Variants in DNAJC13 observed in about 807,000 individuals in gnomAD.
The protein encoded by DNAJC13 is dnaJ homolog subfamily C member 13.
Under a neutral mutation model 290.5 loss-of-function variants are expected in DNAJC13, and 75 were observed. The observed-to-expected ratio is 0.26, with a 90% CI of 0.21 to 0.31. The LOEUF (loss-of-function observed/expected upper bound fraction) is 0.31. DNAJC13 is among the 10% of genes least tolerant of loss of function. DNAJC13 has a pLI of 1.00. For synonymous variants in DNAJC13, 862 were observed against 892.0 expected (o/e 0.97, Z 0.60); for missense variants, 2,260 against 2,674.5 (o/e 0.85, Z 3.42).
chr3:132,449,939 TAGC>T (rs1193661621), intron 5 of DNAJC13, among the ~76,000 whole-genome samples: 3 of 152,180 alleles, frequency 2.0e-5, no homozygotes, highest in Admixed American at 2.0e-4. Flanking sequence ...TCATTTTGCT[TAGC>T]AGCCTTGATT....
intron 1 of DNAJC13, among the ~76,000 whole-genome samples, chr3:132,432,164 T>C (rs1419275018): frequency 6.6e-6 from 1 of 152,116 alleles, no homozygotes; most frequent in East Asian, 1.9e-4. Flanking sequence ...AGCACTTTGG[T>C]GTATTTTCTA....
At chr3:132,449,091 C>A (rs897463535) in intron 5 of DNAJC13, among the ~76,000 whole-genome samples, 2 of 152,072 alleles carry the variant, frequency 1.3e-5, no homozygotes, top group African/African-American at 4.8e-5. Flanking sequence ...GGATAGTTTA[C>A]CTGATTTTAC....
chr3:132,528,363 T>G, intron 54 of DNAJC13, 31 bp downstream of exon 54: 1 of 1,611,558 alleles, frequency 6.2e-7, no homozygotes, highest in Non-Finnish European at 8.5e-7. Flanking sequence ...CTTTTGATAT[T>G]CTAAAAGCCA....
chr3:132,446,642 C>T (rs975730218), intron 3 of DNAJC13, 92 bp downstream of exon 3: 2 of 762,438 alleles, frequency 2.6e-6, no homozygotes, highest in South Asian at 1.9e-5. Flanking sequence ...TAAATCAGTA[C>T]TTGAAGATAG....
Position 132,483,419 on chromosome 3 carries a change from A to T in DNAJC13, c.3024A>T (p.Arg1008Ser), listed in dbSNP as rs1397882116. Residue 1008 changes from arginine to serine, a missense_variant, in exon 28 of 56, where the codon AGA (arginine) becomes AGT (serine). Physicochemically the swap from Arg to Ser is moderately radical, Grantham distance 110. Coordinates refer to ENST00000260818, the MANE Select transcript of DNAJC13 (RefSeq NM_015268.4). ...WTKGMLNAKTRCWAQGMDGWR... is the reference protein window; with the variant it reads ...WTKGMLNAKTSCWAQGMDGWR... ...AAGGAATGTTAAATGCAAAAACCAG[A>T]TGCTGGGCTCAAGGCATGGATGGAT... 6.2e-7 allele frequency: 1 copy of T among 1,614,134 alleles called. No homozygotes were observed. The highest frequency in any genetic ancestry group is 1.7e-5 in the Admixed American group (1 of 60,012).
chr3:132,435,235 A>C (rs1481926169), intron 2 of DNAJC13, among the ~76,000 whole-genome samples: 1 of 152,208 alleles, frequency 6.6e-6, no homozygotes. Context: ...AAGTTTTAAA[A>C]TTATGCCTCA....
At position 132,516,170 on chromosome 3, in the gene DNAJC13, C is replaced by T. The variant is rs1935914553; in HGVS notation, c.5486-252C>T. On this transcript the variant is annotated intron_variant, in intron 46 of 55. Coordinates refer to ENST00000260818, the MANE Select transcript of DNAJC13 (RefSeq NM_015268.4). ...GTTTTATAGTGGTTATGAATATGGACTTTGGAGGCAGACCTGCATACAAAA... is the reference window on the plus strand; with the variant it reads ...GTTTTATAGTGGTTATGAATATGGATTTTGGAGGCAGACCTGCATACAAAA... 2.0e-5 allele frequency among the ~76,000 whole-genome samples: 3 copies of T among 152,152 alleles called. 1 individual carries two copies. In the South Asian group the frequency reaches 6.2e-4, roughly 31 times the overall value.
intron 25 of DNAJC13, 110 bp downstream of exon 25, chr3:132,479,399 T>A (rs1934591800): frequency 1.4e-6 from 1 of 736,494 alleles, no homozygotes; most frequent in Admixed American, 2.4e-5. Context: ...TGTCTTCTCC[T>A]TTTTAGACAG....
intron 18 of DNAJC13, 93 bp from the exon 19 acceptor site, chr3:132,466,206 C>G: frequency 6.9e-7 from 1 of 1,444,244 alleles, no homozygotes; most frequent in Non-Finnish European, 9.5e-7. Context: ...AAGTTTTACC[C>G]TCAATAGCTA....
At chr3:132,488,914 A>G in intron 30 of DNAJC13, 62 bp from the exon 31 acceptor site, 1 of 1,294,488 alleles carries the variant, frequency 7.7e-7, no homozygotes, top group Admixed American at 1.8e-5. Flanking sequence ...TCTTTAGAAA[A>G]CTAAGGTTAC....
At chr3:132,467,622 C>T (rs968948413) in intron 20 of DNAJC13, among the ~76,000 whole-genome samples, 1 of 151,768 alleles carries the variant, frequency 6.6e-6, no homozygotes, top group Non-Finnish European at 1.5e-5. Context: ...CCCGCCACCA[C>T]GCCCGGCTAA....
chr3:132,502,246 T>C, intron 39 of DNAJC13, 43 bp from the exon 40 acceptor site: 2 of 1,446,724 alleles, frequency 1.4e-6, no homozygotes, highest in Non-Finnish European at 1.8e-6. Context: ...TTTTTTTTTT[T>C]TTAACTCTGT....
At chr3:132,512,277 T>C (rs556892323) in intron 44 of DNAJC13, among the ~76,000 whole-genome samples, 1 of 152,184 alleles carries the variant, frequency 6.6e-6, no homozygotes, top group Non-Finnish European at 1.5e-5. Flanking sequence ...TTGTGTGTCA[T>C]TGATGTATTT....
chr3:132,433,479 G>A (rs1426298157), intron 1 of DNAJC13, among the ~76,000 whole-genome samples: 1 of 151,908 alleles, frequency 6.6e-6, no homozygotes, highest in Non-Finnish European at 1.5e-5. Context: ...GTCTCACTAT[G>A]TTGTCTAGGC....
chr3:132,525,003 G>A (rs1936207594), intron 51 of DNAJC13, among the ~76,000 whole-genome samples: 1 of 152,122 alleles, frequency 6.6e-6, no homozygotes, highest in South Asian at 2.1e-4. Context: ...CTGCAACATG[G>A]TCTAAAAATT....
chr3:132,522,521 G>A (rs142704717), intron 48 of DNAJC13, among the ~76,000 whole-genome samples: 1 of 152,276 alleles, frequency 6.6e-6, no homozygotes, highest in Non-Finnish European at 1.5e-5. Flanking sequence ...GTGTGCTCTG[G>A]GAACTTTACC....
intron 12 of DNAJC13, among the ~76,000 whole-genome samples, 175 bp downstream of exon 12, chr3:132,457,007 T>C (rs1559876850): frequency 1.3e-5 from 2 of 152,170 alleles, no homozygotes; most frequent in Admixed American, 6.5e-5. Context: ...AAGCGGAATA[T>C]TGGTCCCATA....
rs116393990 is a variant in DNAJC13, at chr3:132,525,410, T to C, written c.6061-200T>C. The stretch of plus-strand genomic sequence containing the variant: ...ATCCTGCTTAGATTAAAATAGCATA[T>C]TCTTAAAGTCCTTTAGATTCATGCC... On this transcript the variant is annotated intron_variant, in intron 51 of 55. Coordinates refer to ENST00000260818, the MANE Select transcript of DNAJC13 (RefSeq NM_015268.4). Among the ~76,000 whole-genome samples the C allele has an allele frequency of 4.4e-3, 672 of 152,326 alleles. 6 individuals are homozygous for C. The highest frequency in any genetic ancestry group is 0.014 in the African/African-American group (600 of 41,570).
chr3:132,530,242 G>T (rs1237171158), intron 54 of DNAJC13, among the ~76,000 whole-genome samples: 1 of 151,972 alleles, frequency 6.6e-6, no homozygotes, highest in Non-Finnish European at 1.5e-5. Flanking sequence ...CTACTAGATT[G>T]TAAGCACTTC....
Sources: allele counts gnomAD v4.1 joint callset (sites outside exome capture counted in the v4.1 genomes callset), GRCh38; gene constraint gnomAD v4.1.1; transcripts MANE v1.5; gene names NCBI Gene and HGNC (gene_info 2026-07-23, HGNC 2026-07-21).